The following CAPZB variants were observed in gnomAD, a reference collection of about 807,000 sequenced individuals.
The protein encoded by CAPZB is F-actin-capping protein subunit beta.
A neutral mutation model predicts 38.1 loss-of-function variants in CAPZB; 2 were observed. That is an observed-to-expected ratio of 0.05 (90% CI 0.02 to 0.17). The LOEUF (loss-of-function observed/expected upper bound fraction) is 0.17, where lower values mean the gene tolerates loss of function less well. Ranked by LOEUF, CAPZB falls within the 10% of genes least tolerant of loss-of-function variation. The pLI is 1.00. For missense variants in CAPZB, 161 were observed against 334.2 expected (o/e 0.48, Z 4.04); for synonymous variants, 107 against 127.4 (o/e 0.84, Z 1.08).
intron 6 of CAPZB, among the ~76,000 whole-genome samples, chr1:19,350,532 C>T (rs974467977): frequency 4.6e-5 from 7 of 152,236 alleles, no homozygotes; most frequent in Non-Finnish European, 1.0e-4. Context: ...GTTACGGTTG[C>T]CCAGTTTAGG....
At chr1:19,424,106 C>T (rs182697600) in intron 1 of CAPZB, among the ~76,000 whole-genome samples, 1 of 152,182 alleles carries the variant, frequency 6.6e-6, no homozygotes, top group Non-Finnish European at 1.5e-5. Flanking sequence ...GCCACTGCAC[C>T]TGGCCATGAA....
At chr1:19,373,599 C>T (rs2094130237) in intron 4 of CAPZB, among the ~76,000 whole-genome samples, 1 of 152,096 alleles carries the variant, frequency 6.6e-6, no homozygotes, top group Non-Finnish European at 1.5e-5. Context: ...TGGTGTGGCC[C>T]GTGGGCTGCC....
At position 19,485,530 on chromosome 1, in the gene CAPZB, G is replaced by A. The variant is rs1295457369; in HGVS notation, c.-92C>T. ...CGCTTCCACTTCCCCGGGTGCCCAG[G>A]AGTGAACATCCGGGTCAGCACCCCC... On this transcript the variant is annotated 5_prime_UTR_variant, in exon 1 of 9. Transcript: ENST00000264202. 4 of 1,078,366 alleles carry A rather than the reference G, an allele frequency of 3.7e-6. No homozygotes were observed. In the African/African-American group the frequency reaches 4.9e-5, roughly 13 times the overall value. 66.8% of individuals were successfully genotyped at this position (1,078,366 alleles called of 1,614,324 possible).
chr1:19,409,788 G>T (rs1013898975), intron 2 of CAPZB, among the ~76,000 whole-genome samples: 1 of 152,196 alleles, frequency 6.6e-6, no homozygotes, highest in African/African-American at 2.4e-5. Flanking sequence ...TTAATTTTGT[G>T]TAAACTTCTA....
rs989259212 is a variant in CAPZB at position 19,356,092 on chromosome 1, A to G, written c.588+543T>C. Among the ~76,000 whole-genome samples, 2 of 152,148 alleles carry G rather than the reference A, an allele frequency of 1.3e-5. No individual in the cohort carries two copies. The highest frequency in any genetic ancestry group is 2.9e-5 in the Non-Finnish European group (2 of 68,032). On this transcript the variant is annotated intron_variant, in intron 6 of 8. Transcript: ENST00000264202. This position sits in a 1 kb window ranked among gnomAD's most constrained non-coding sequence, Gnocchi z 4.3. ...CCAGTAGGGCACTTCTGAAATTTCAATGTGCACACATTACCTGGGCAATTT... is the reference window on the plus strand; with the variant it reads ...CCAGTAGGGCACTTCTGAAATTTCAGTGTGCACACATTACCTGGGCAATTT...
chr1:19,448,881 G>T (rs79308175), intron 1 of CAPZB: 1 of 1,612,736 alleles, frequency 6.2e-7, no homozygotes, highest in Admixed American at 1.7e-5. Context: ...AGGCCTGGGC[G>T]AGAGAACCCT....
intron 7 of CAPZB, among the ~76,000 whole-genome samples, chr1:19,344,867 T>C (rs742686): frequency 0.25 from 38,023 of 152,134 alleles, 4,991 homozygotes; most frequent in South Asian, 0.32. Flanking sequence ...ATCTGCTTCC[T>C]CTCCCAGCGC....
At chr1:19,403,271 GA>G (rs1463037659) in intron 2 of CAPZB, among the ~76,000 whole-genome samples, 2 of 152,178 alleles carry the variant, frequency 1.3e-5, no homozygotes, top group African/African-American at 2.4e-5. Context: ...GTGAACAAAA[GA>G]AAAGATCCCT....
At chr1:19,365,691 G>C (rs991874093) in intron 4 of CAPZB, among the ~76,000 whole-genome samples, 4 of 151,986 alleles carry the variant, frequency 2.6e-5, no homozygotes, top group African/African-American at 9.7e-5. Context: ...AAAATTAGTC[G>C]GGCGTGGTGG....
At chr1:19,345,120 G>A (rs1478974181) in intron 7 of CAPZB, 67 bp downstream of exon 7, 13 of 1,204,190 alleles carry the variant, frequency 1.1e-5, no homozygotes, top group Admixed American at 3.4e-5. Context: ...CCAGCACAGC[G>A]GCTCCGGGGC....
At chr1:19,361,269 T>C (rs1308405018) in intron 4 of CAPZB, among the ~76,000 whole-genome samples, 2 of 152,106 alleles carry the variant, frequency 1.3e-5, no homozygotes, top group Non-Finnish European at 2.9e-5. Flanking sequence ...TGAATCGGGG[T>C]GTTCCAACTG....
chr1:19,440,320 G>A (rs1328281232), intron 1 of CAPZB, among the ~76,000 whole-genome samples: 1 of 152,132 alleles, frequency 6.6e-6, no homozygotes, highest in African/African-American at 2.4e-5. Context: ...TTACAGGTGT[G>A]AGCCATGCAC....
intron 1 of CAPZB, among the ~76,000 whole-genome samples, chr1:19,425,221 T>C (rs2094418045): frequency 6.6e-6 from 1 of 152,216 alleles, no homozygotes; most frequent in Non-Finnish European, 1.5e-5. Context: ...CTTCATACAA[T>C]GAGCTTCACC....
chr1:19,396,885 G>A (rs1426122482), intron 2 of CAPZB, among the ~76,000 whole-genome samples: 11 of 151,898 alleles, frequency 7.2e-5, no homozygotes, highest in Non-Finnish European at 1.2e-4. Flanking sequence ...CCTGGGAGGC[G>A]GAGGGTGCAG....
chr1:19,480,804 A>G (rs1463755742), intron 1 of CAPZB, among the ~76,000 whole-genome samples: 1 of 152,208 alleles, frequency 6.6e-6, no homozygotes, highest in Non-Finnish European at 1.5e-5. Context: ...TGTGCGTTCA[A>G]GGCACAACCC....
intron 1 of CAPZB, among the ~76,000 whole-genome samples, chr1:19,428,335 G>A (rs142619324): frequency 0.017 from 2,535 of 151,928 alleles, 52 homozygotes; most frequent in African/African-American, 0.049. Context: ...ACTGGAAGGC[G>A]AAGGTTGCAG....
chr1:19,381,684 A>AT (rs869210528), intron 3 of CAPZB, among the ~76,000 whole-genome samples: 17,292 of 84,430 alleles, frequency 0.2, 2,779 homozygotes, highest in Non-Finnish European at 0.23. Context: ...TGCCCAGCTA[A>AT]TTTTTTTTTT....
rs1049198629 is a variant in CAPZB, at chr1:19,378,525, G to A, written c.329+15C>T. The A allele has an allele frequency of 5.6e-6, 8 of 1,438,398 alleles. No individual in the cohort carries two copies. Among genetic ancestry groups the A allele is most frequent in the African/African-American group, 2.8e-5 (2 of 71,484 alleles). 89.1% of individuals were successfully genotyped at this position (1,438,398 alleles called of 1,614,324 possible). On this transcript the variant is annotated intron_variant, in intron 4 of 8. Transcript: ENST00000264202. ...ACTCACAAGCGCTAAAGTGCAACAGGAGAAAATGACTCACAGGTCTCGATA... is the reference window on the plus strand; with the variant it reads ...ACTCACAAGCGCTAAAGTGCAACAGAAGAAAATGACTCACAGGTCTCGATA...
intron 1 of CAPZB, among the ~76,000 whole-genome samples, chr1:19,456,931 T>A (rs2094534894): frequency 6.6e-6 from 1 of 152,206 alleles, no homozygotes; most frequent in Admixed American, 6.5e-5. Flanking sequence ...TTATACTCAT[T>A]TGAGCAGGGC....
Sources: allele counts gnomAD v4.1 joint callset (sites outside exome capture counted in the v4.1 genomes callset), GRCh38; gene constraint gnomAD v4.1.1; non-coding constraint Gnocchi (gnomAD v3.1); transcripts MANE v1.5; gene names NCBI Gene and HGNC (gene_info 2026-07-23, HGNC 2026-07-21).